PTPRK: variants seen among roughly 807,000 people sequenced by gnomAD.
PTPRK encodes the protein protein tyrosine phosphatase receptor type K, also known as receptor-type tyrosine-protein phosphatase kappa.
In PTPRK, 75 loss-of-function variants were observed where a neutral mutation model predicts 178.0. That is an observed-to-expected ratio of 0.42 (90% CI 0.35 to 0.51). The LOEUF (loss-of-function observed/expected upper bound fraction) is 0.51. PTPRK is among the 20% of genes least tolerant of loss of function. The pLI, the probability that PTPRK is intolerant of heterozygous loss-of-function variation, is 0.02. For synonymous variants in PTPRK, 637 were observed against 620.6 expected (o/e 1.03, Z -0.39); for missense variants, 1,441 against 1,797.8 (o/e 0.80, Z 3.59).
chr6:128,355,647 G>T (rs1833850823), intron 2 of PTPRK, among the ~76,000 whole-genome samples: 1 of 152,178 alleles, frequency 6.6e-6, no homozygotes, highest in Non-Finnish European at 1.5e-5. Flanking sequence ...GGCCTGTTGT[G>T]GGGTGGGAGG....
chr6:128,471,991 A>AAGAG (rs745939025), intron 1 of PTPRK, among the ~76,000 whole-genome samples: 45 of 151,792 alleles, frequency 3.0e-4, no homozygotes, highest in Admixed American at 1.3e-3. Context: ...GCAGAAACAA[A>AAGAG]AGAGAGAGAG....
At chr6:128,182,874 G>A (rs1288636739) in intron 7 of PTPRK, among the ~76,000 whole-genome samples, 1 of 152,104 alleles carries the variant, frequency 6.6e-6, no homozygotes, top group Non-Finnish European at 1.5e-5. Flanking sequence ...AATACACTGT[G>A]TGGTAATGCT....
At chr6:128,218,091 T>C (rs1809674322) in intron 6 of PTPRK, among the ~76,000 whole-genome samples, 1 of 152,138 alleles carries the variant, frequency 6.6e-6, no homozygotes, top group Non-Finnish European at 1.5e-5. Context: ...TTAACTAAAA[T>C]ATCAATTTCC....
At chr6:128,056,990 T>G (rs10499136) in intron 13 of PTPRK, among the ~76,000 whole-genome samples, 2,853 of 152,246 alleles carry the variant, frequency 0.019, 77 homozygotes, top group East Asian at 0.057. Flanking sequence ...CAGAAGTGTT[T>G]CAAATAAAGT....
At chr6:128,384,754 A>C (rs1243832260) in intron 2 of PTPRK, among the ~76,000 whole-genome samples, 1 of 151,952 alleles carries the variant, frequency 6.6e-6, no homozygotes, top group South Asian at 2.1e-4. Context: ...ACCAGAAAAA[A>C]TTTTTATTTT....
intron 6 of PTPRK, among the ~76,000 whole-genome samples, chr6:128,189,676 T>C (rs62427868): frequency 0.1 from 15,216 of 152,218 alleles, 1,065 homozygotes; most frequent in Non-Finnish European, 0.16. Context: ...TTTTATTTGT[T>C]ACCATTTCTT....
chr6:128,418,424 C>T (rs1843077635), intron 1 of PTPRK, among the ~76,000 whole-genome samples: 1 of 152,200 alleles, frequency 6.6e-6, no homozygotes, highest in African/African-American at 2.4e-5. Flanking sequence ...ACTGCCTGAG[C>T]TCTGCCTCGT....
At chr6:128,246,097 C>A (rs1815408147) in intron 3 of PTPRK, among the ~76,000 whole-genome samples, 1 of 151,986 alleles carries the variant, frequency 6.6e-6, no homozygotes, top group African/African-American at 2.4e-5. Context: ...ATAAATGTAT[C>A]CTAGGAAAAT....
At chr6:128,420,300 G>A (rs1843337460) in intron 1 of PTPRK, among the ~76,000 whole-genome samples, 1 of 152,030 alleles carries the variant, frequency 6.6e-6, no homozygotes, top group Non-Finnish European at 1.5e-5. Context: ...TCTATGCATA[G>A]GGAAATTAAT....
At chr6:128,310,370 G>C (rs1201105195) in intron 3 of PTPRK, among the ~76,000 whole-genome samples, 2 of 152,158 alleles carry the variant, frequency 1.3e-5, no homozygotes, top group African/African-American at 4.8e-5. Flanking sequence ...CTGAATTTCA[G>C]TTAGCATAGT....
At chr6:128,276,854 T>C (rs1225985639) in intron 3 of PTPRK, among the ~76,000 whole-genome samples, 1 of 152,124 alleles carries the variant, frequency 6.6e-6, no homozygotes, top group Admixed American at 6.6e-5. Flanking sequence ...AACAGTGGCA[T>C]TTAAATTTTT....
At chr6:128,357,031 G>C (rs1326894066) in intron 2 of PTPRK, among the ~76,000 whole-genome samples, 2 of 152,096 alleles carry the variant, frequency 1.3e-5, no homozygotes, top group African/African-American at 4.8e-5. Flanking sequence ...TTGAATACTG[G>C]GGAAGCCTAA....
At chr6:128,255,175 G>A (rs1817077453) in intron 3 of PTPRK, among the ~76,000 whole-genome samples, 1 of 152,046 alleles carries the variant, frequency 6.6e-6, no homozygotes, top group South Asian at 2.1e-4. Context: ...ATTTTTAGTA[G>A]AGACGGGGTT....
intron 1 of PTPRK, among the ~76,000 whole-genome samples, chr6:128,435,046 C>CAGGAAGGCAGGAAGGA (rs1845346116): frequency 1.4e-5 from 1 of 72,424 alleles, no homozygotes; most frequent in Non-Finnish European, 2.6e-5. Flanking sequence ...GGCAGGAAGG[C>CAGGAAGGCAGGAAGGA]AGGAAGGAAG....
At chr6:128,171,444 G>C (rs550898078) in intron 7 of PTPRK, among the ~76,000 whole-genome samples, 1 of 152,074 alleles carries the variant, frequency 6.6e-6, no homozygotes, top group African/African-American at 2.4e-5. Context: ...TTCAAGGCAG[G>C]CACTTGTAAT....
chr6:128,399,274 CAG>C (rs1319501206), intron 1 of PTPRK, among the ~76,000 whole-genome samples: 3 of 152,116 alleles, frequency 2.0e-5, no homozygotes, highest in African/African-American at 7.2e-5. Context: ...TCACCAATGA[CAG>C]GGAGGGGTCA....
At chr6:128,090,140 C>A in intron 7 of PTPRK, 148 bp from the exon 8 acceptor site, 1 of 670,654 alleles carries the variant, frequency 1.5e-6, no homozygotes, top group Non-Finnish European at 2.4e-6. Context: ...TATTCATGAT[C>A]CTATTCTTGA....
chr6:128,184,470 A>G lies in PTPRK; in HGVS notation c.1124T>C (p.Leu375Pro), dbSNP rs1031996202. ...TCTGGTGATTAGTGGAGGTCCTGGGAGCCCCGTTCCACCTTCACCAGGTCT... is the reference window on the plus strand; with the variant it reads ...TCTGGTGATTAGTGGAGGTCCTGGGGGCCCCGTTCCACCTTCACCAGGTCT... ...LTRPGEGGTG[L>P]PGPPLITRTK... is the part of the protein sequence containing the mutation. The change falls in exon 7 of 30, where the codon CTC becomes CCC. Residue 375 changes from leucine (L) to proline (P), a missense_variant. Physicochemically the swap from Leu to Pro is moderately conservative, Grantham distance 98. This residue lies in a region of PTPRK where 945 missense variants were observed against 1,080.6 expected (regional missense o/e 0.87). Coordinates refer to ENST00000368226, the MANE Select transcript of PTPRK (RefSeq NM_002844.4). 1.2e-6 allele frequency: 2 copies of G among 1,613,562 alleles called. No homozygotes were observed. Among genetic ancestry groups the G allele is most frequent in the Non-Finnish European group, 8.5e-7 (1 of 1,179,758 alleles).
intron 5 of PTPRK, among the ~76,000 whole-genome samples, chr6:128,228,056 G>A (rs1303345874): frequency 6.6e-6 from 1 of 150,542 alleles, no homozygotes; most frequent in Admixed American, 6.6e-5. Flanking sequence ...ACCATGGCAC[G>A]TGTATACCTA....
Sources: gnomAD v4.1 joint callset for allele counts (sites outside exome capture counted in the v4.1 genomes callset) on GRCh38, gnomAD v4.1.1 for gene constraint, gnomAD v4.1.1 regional missense constraint, MANE v1.5 for transcripts, NCBI Gene and HGNC (gene_info 2026-07-23, HGNC 2026-07-21) for gene names.